AFAP1L2: variants seen among roughly 807,000 people sequenced by gnomAD.
The protein encoded by AFAP1L2 is actin filament associated protein 1 like 2.
Under a neutral mutation model 99.3 loss-of-function variants are expected in AFAP1L2, and 46 were observed. The observed-to-expected ratio is 0.46, with a 90% confidence interval of 0.37 to 0.59. The LOEUF (loss-of-function observed/expected upper bound fraction) is 0.59. Ranked by LOEUF, AFAP1L2 falls within the 20% of genes least tolerant of loss-of-function variation. AFAP1L2 has a pLI of 0.00. For missense variants in AFAP1L2, 959 were observed against 1,034.9 expected (o/e 0.93, Z 1.01); for synonymous variants, 397 against 419.1 (o/e 0.95, Z 0.64).
chr10:114,301,968 G>A (rs2041276146), intron 12 of AFAP1L2: 2 of 267,966 alleles, frequency 7.5e-6, no homozygotes, highest in Admixed American at 4.8e-5. Flanking sequence ...TCTGGAAACA[G>A]AAGCACCACC....
chr10:114,382,356 T>C (rs1340950077), intron 1 of AFAP1L2, among the ~76,000 whole-genome samples: 1 of 152,016 alleles, frequency 6.6e-6, no homozygotes, highest in Non-Finnish European at 1.5e-5. Context: ...GATACAGCCT[T>C]GACTTAAGGA....
rs145401018 is a variant in AFAP1L2, at chr10:114,313,924, C to T, written c.739G>A (p.Asp247Asn). The T allele has an allele frequency of 2.0e-5, 32 of 1,613,902 alleles. No homozygotes were observed. Among genetic ancestry groups the T allele is most frequent in the Non-Finnish European group, 2.5e-5 (30 of 1,180,006 alleles). ...HKLKITPMNA[D>N]VIVLGLQSKD... ...CTCTGCAGGCCCAGCACAATCACATCGGCATTCATCGGCGTGATCTTCAGC... is the reference window on the plus strand; with the variant it reads ...CTCTGCAGGCCCAGCACAATCACATTGGCATTCATCGGCGTGATCTTCAGC... Residue 247 changes from aspartate (D) to asparagine (N), a missense_variant, in exon 7 of 19, where the codon GAT (aspartate) becomes AAT (asparagine). Asp to Asn is a conservative substitution (Grantham distance 23, BLOSUM62 1). This residue lies in a region of AFAP1L2 where 383 missense variants were observed against 472.8 expected (regional missense o/e 0.81). Transcript: ENST00000304129.
chr10:114,320,098 A>G (rs1459667245), intron 5 of AFAP1L2, among the ~76,000 whole-genome samples: 2 of 152,144 alleles, frequency 1.3e-5, no homozygotes, highest in East Asian at 1.9e-4. Context: ...ACAGGTTTGC[A>G]TTGTGTTACT....
At chr10:114,325,109 C>T (rs186830918) in intron 4 of AFAP1L2, among the ~76,000 whole-genome samples, 19 of 152,294 alleles carry the variant, frequency 1.2e-4, no homozygotes, top group Admixed American at 7.2e-4. Flanking sequence ...GATTTCAATC[C>T]GGGCTTCAGG....
intron 1 of AFAP1L2, among the ~76,000 whole-genome samples, chr10:114,364,644 TTTCCAATCACA>T (rs1333675462): frequency 3.9e-5 from 6 of 152,150 alleles, no homozygotes; most frequent in African/African-American, 1.4e-4. Flanking sequence ...CTAAGACCCT[TTTCCAATCACA>T]TTCCAGGGCT....
At position 114,295,886 on chromosome 10, in the gene AFAP1L2, G is replaced by C; in HGVS notation, c.*156C>G. The C allele has an allele frequency of 1.3e-6, 2 of 1,522,094 alleles. No homozygotes were observed. The highest frequency in any genetic ancestry group is 1.8e-6 in the Non-Finnish European group (2 of 1,136,672). The allele number at this position is 1,522,094 out of a possible 1,614,324, so 94.3% of individuals were successfully genotyped here. On this transcript the variant is annotated 3_prime_UTR_variant, in exon 19 of 19. Coordinates refer to ENST00000304129, the MANE Select transcript of AFAP1L2 (RefSeq NM_001001936.3). ...TTTCCTTTGGCTCTGAAAAGGGACA[G>C]AGCCTCCTCTTAGCTGAAGCTCTCC...
At chr10:114,386,739 T>A (rs2056551360) in intron 1 of AFAP1L2, among the ~76,000 whole-genome samples, 1 of 151,998 alleles carries the variant, frequency 6.6e-6, no homozygotes, top group Non-Finnish European at 1.5e-5. Context: ...AGCCAGGGAG[T>A]GACCGAGCAA....
intron 2 of AFAP1L2, among the ~76,000 whole-genome samples, chr10:114,336,368 A>G (rs2047974933): frequency 6.6e-6 from 1 of 152,358 alleles, no homozygotes. Context: ...CTATCTGACG[A>G]AGTGCATTCA....
At chr10:114,315,463 C>T in intron 6 of AFAP1L2, 97 bp downstream of exon 6, 4 of 1,297,006 alleles carry the variant, frequency 3.1e-6, no homozygotes, top group Non-Finnish European at 4.3e-6. Context: ...AAGCTCGAAA[C>T]CTCTGAGGTC....
At chr10:114,369,236 A>G (rs1427470047) in intron 1 of AFAP1L2, among the ~76,000 whole-genome samples, 1 of 152,150 alleles carries the variant, frequency 6.6e-6, no homozygotes, top group East Asian at 1.9e-4. Context: ...GTGGTGGGAA[A>G]CATTGAAGCC....
At chr10:114,296,844 A>G in intron 18 of AFAP1L2, 134 bp downstream of exon 18, 1 of 1,469,696 alleles carries the variant, frequency 6.8e-7, no homozygotes. Flanking sequence ...AGCCATGGCC[A>G]CTCCTTGGTG....
chr10:114,354,083 C>A (rs112309888), intron 1 of AFAP1L2, among the ~76,000 whole-genome samples: 2,020 of 152,282 alleles, frequency 0.013, 43 homozygotes, highest in African/African-American at 0.045. Context: ...CATCCCGGAA[C>A]CTTCGCGCCT....
chr10:114,306,158 A>AGGGGATGGGG lies in AFAP1L2; in HGVS notation c.1073-1229_1073-1228insCCCCATCCCC, dbSNP rs1216997749. Among the ~76,000 whole-genome samples, 9 of 58,732 alleles carry AGGGGATGGGG rather than the reference A, an allele frequency of 1.5e-4. 2 individuals carry two copies. Among genetic ancestry groups the AGGGGATGGGG allele is most frequent in the Non-Finnish European group, 2.3e-4 (7 of 30,330 alleles). The allele number at this position is 58,732 out of a possible 152,430, so 38.5% of individuals were successfully genotyped here. On this transcript the variant is annotated intron_variant, in intron 10 of 18. Coordinates refer to ENST00000304129, the MANE Select transcript of AFAP1L2 (RefSeq NM_001001936.3). Reference sequence around the variant, plus strand: ...GTGCAGGAGGGGACGGGGCTGCAGGACGGGATGGGGCTGCAGGAGGGAGCG... The same window carrying AGGGGATGGGG: ...GTGCAGGAGGGGACGGGGCTGCAGGAGGGGATGGGGCGGGATGGGGCTGCAGGAGGGAGCG...
chr10:114,285,027 T>C, the AFAP1L2 span: 1 of 1,407,550 alleles, frequency 7.1e-7, no homozygotes, highest in Non-Finnish European at 9.5e-7. Context: ...GAGGACGGGC[T>C]CCCCTTTTCA....
At chr10:114,313,308 A>G (rs2043553787) in intron 7 of AFAP1L2, among the ~76,000 whole-genome samples, 1 of 152,166 alleles carries the variant, frequency 6.6e-6, no homozygotes, top group South Asian at 2.1e-4. Context: ...CCCCTCCCCA[A>G]GTGCCTCATA....
At chr10:114,309,719 G>A (rs2042930662) in intron 8 of AFAP1L2, among the ~76,000 whole-genome samples, 2 of 152,186 alleles carry the variant, frequency 1.3e-5, no homozygotes, top group South Asian at 4.1e-4. Context: ...TGAGGAATAA[G>A]GGGAAAGGAA....
At position 114,305,171 on chromosome 10, in the gene AFAP1L2, C is replaced by CAGA. The variant is rs1366742885; in HGVS notation, c.1073-242_1073-241insTCT. The CAGA allele has an allele frequency of 1.6e-3, 463 of 281,874 alleles. 3 individuals carry two copies. The African/African-American group carries it at 0.017, about 10-fold the overall frequency. 17.5% of individuals were successfully genotyped at this position (281,874 alleles called of 1,614,324 possible). ...GACTGGGCTGCAGGAGGGGACTGGG[C>CAGA]TGCAGGAGGGGACGCAGATGAAGGA... On this transcript the variant is annotated intron_variant, in intron 10 of 18. Coordinates refer to ENST00000304129, the MANE Select transcript of AFAP1L2 (RefSeq NM_001001936.3).
At chr10:114,354,450 T>G (rs2051005518) in intron 1 of AFAP1L2, among the ~76,000 whole-genome samples, 1 of 152,212 alleles carries the variant, frequency 6.6e-6, no homozygotes, top group South Asian at 2.1e-4. Context: ...TGAGTGGAAA[T>G]TAATCATTTG....
chr10:114,288,543 G>A, the AFAP1L2 span, among the ~76,000 whole-genome samples: 37,702 of 152,044 alleles, frequency 0.25, 4,910 homozygotes, highest in African/African-American at 0.32. Flanking sequence ...TGAGTGGCCC[G>A]GGCCAGCAGG....
Sources: allele counts gnomAD v4.1 joint callset (sites outside exome capture counted in the v4.1 genomes callset), GRCh38; gene constraint gnomAD v4.1.1; regional missense constraint gnomAD v4.1.1; transcripts MANE v1.5; gene names NCBI Gene and HGNC (gene_info 2026-07-23, HGNC 2026-07-21).